The following SEMA3A variants were observed in gnomAD, a reference collection of about 807,000 sequenced individuals.
SEMA3A encodes semaphorin-3A.
SEMA3A carries 29 observed loss-of-function variants against 97.9 expected under a neutral mutation model. That is an observed-to-expected ratio of 0.30 (90% CI 0.22 to 0.40). The LOEUF (loss-of-function observed/expected upper bound fraction) is 0.40, where lower values mean the gene tolerates loss of function less well. Among genes scored for constraint, SEMA3A ranks in the 10% least tolerant of loss-of-function variants. The pLI, the probability that SEMA3A is intolerant of heterozygous loss-of-function variation, is 1.00. For missense variants in SEMA3A, 763 were observed against 951.3 expected, an observed-to-expected ratio of 0.80 and a Z score of 2.60; for synonymous variants, 321 against 323.7, an observed-to-expected ratio of 0.99 and a Z score of 0.09.
chr7:84,106,912 T>C (rs1303733429), intron 4 of SEMA3A, among the ~76,000 whole-genome samples: 2 of 152,190 alleles, frequency 1.3e-5, no homozygotes, highest in Non-Finnish European at 2.9e-5. Flanking sequence ...TTTTCTATGA[T>C]AAAATTATTT....
At chr7:84,168,652 C>A (rs942760556) in intron 1 of SEMA3A, among the ~76,000 whole-genome samples, 8 of 151,730 alleles carry the variant, frequency 5.3e-5, no homozygotes, top group African/African-American at 1.9e-4. Context: ...TGATGCCTAT[C>A]TAGTTATGAA....
intron 1 of SEMA3A, among the ~76,000 whole-genome samples, chr7:84,425,204 T>G (rs1328971707): frequency 8.6e-6 from 1 of 116,942 alleles, no homozygotes; most frequent in Non-Finnish European, 1.6e-5. Context: ...TAAATAAATT[T>G]ACGTATTTAT....
chr7:84,093,606 C>A (rs758197366), intron 4 of SEMA3A, among the ~76,000 whole-genome samples: 10 of 152,036 alleles, frequency 6.6e-5, no homozygotes, highest in Non-Finnish European at 1.5e-4. Context: ...TTATAAAATA[C>A]TATGCAGCCA....
intron 3 of SEMA3A, among the ~76,000 whole-genome samples, chr7:84,260,827 T>C (rs917448214): frequency 6.6e-6 from 1 of 152,132 alleles, no homozygotes; most frequent in Non-Finnish European, 1.5e-5. Flanking sequence ...AGAAGGCAGA[T>C]AGGCTTAGGG....
chr7:84,340,635 C>G (rs1418274880), intron 2 of SEMA3A, among the ~76,000 whole-genome samples: 4 of 151,688 alleles, frequency 2.6e-5, no homozygotes, highest in African/African-American at 9.7e-5. Context: ...AAAAAATTAG[C>G]TGGGGGTGGT....
upstream of SEMA3A, among the ~76,000 whole-genome samples, chr7:84,196,206 G>T (rs1256529624): frequency 6.6e-6 from 1 of 151,822 alleles, no homozygotes; most frequent in South Asian, 2.1e-4. Context: ...GCTGAAGGGA[G>T]AGAGTGAGTC....
chr7:84,233,729 T>G (rs117334444), intron 3 of SEMA3A, among the ~76,000 whole-genome samples: 2,496 of 152,136 alleles, frequency 0.016, 21 homozygotes, highest in Non-Finnish European at 0.026. Context: ...CCTACTGTTT[T>G]CAATTCAGTT....
At chr7:84,294,341 C>A (rs1199662972) in intron 3 of SEMA3A, among the ~76,000 whole-genome samples, 1 of 152,010 alleles carries the variant, frequency 6.6e-6, no homozygotes, top group Non-Finnish European at 1.5e-5. Context: ...TATCTCATTA[C>A]CGCTGTAGTT....
chr7:84,492,249 G>A (rs1338975157), intron 1 of SEMA3A, among the ~76,000 whole-genome samples: 1 of 152,060 alleles, frequency 6.6e-6, no homozygotes, highest in Non-Finnish European at 1.5e-5. Context: ...TCAGTTCCGA[G>A]ACCTTCTGAA....
intron 2 of SEMA3A, among the ~76,000 whole-genome samples, chr7:84,366,058 C>T (rs1481344899): frequency 6.6e-6 from 1 of 151,310 alleles, no homozygotes; most frequent in Non-Finnish European, 1.5e-5. Context: ...GGCATTTGTA[C>T]TACCTCTGAA....
intron 1 of SEMA3A, among the ~76,000 whole-genome samples, chr7:84,156,110 A>C (rs1056003500): frequency 6.6e-6 from 1 of 152,152 alleles, no homozygotes; most frequent in Non-Finnish European, 1.5e-5. Context: ...AAATTATAAC[A>C]AGTCATATTT....
chr7:84,001,837 G>T, intron 12 of SEMA3A, 118 bp downstream of exon 12: 1 of 488,308 alleles, frequency 2.0e-6, no homozygotes, highest in Non-Finnish European at 3.6e-6. Flanking sequence ...TAATTGACAA[G>T]CTAATTAGAA....
chr7:84,036,438 G>T (rs1791942506), intron 6 of SEMA3A, among the ~76,000 whole-genome samples: 1 of 152,116 alleles, frequency 6.6e-6, no homozygotes, highest in Non-Finnish European at 1.5e-5. Flanking sequence ...GCTACCAAAT[G>T]TAGTTCATAC....
chr7:84,354,220 GC>G (rs1194095853), intron 2 of SEMA3A, among the ~76,000 whole-genome samples: 1 of 131,354 alleles, frequency 7.6e-6, no homozygotes, highest in Non-Finnish European at 1.7e-5. Flanking sequence ...TGAAATCTCT[GC>G]TTATTATCTG....
chr7:84,384,489 T>C (rs886467850), intron 1 of SEMA3A, among the ~76,000 whole-genome samples: 2 of 152,094 alleles, frequency 1.3e-5, no homozygotes, highest in African/African-American at 4.8e-5. Context: ...TCAGGAAAGG[T>C]TTTTTTATAT....
chr7:84,485,893 A>C (rs1436915424), intron 1 of SEMA3A, among the ~76,000 whole-genome samples: 1 of 152,220 alleles, frequency 6.6e-6, no homozygotes, highest in Non-Finnish European at 1.5e-5. Flanking sequence ...AGGCTCATTT[A>C]GAAATAGTAT....
intron 2 of SEMA3A, among the ~76,000 whole-genome samples, chr7:84,307,576 T>C (rs1426451847): frequency 2.0e-5 from 3 of 152,188 alleles, no homozygotes; most frequent in Admixed American, 6.5e-5. Context: ...CTGGCTCTAC[T>C]AAAGAATAAC....
chr7:84,370,349 A>T (rs1802943824), intron 2 of SEMA3A, among the ~76,000 whole-genome samples: 2 of 151,732 alleles, frequency 1.3e-5, no homozygotes, highest in South Asian at 4.1e-4. Flanking sequence ...TCATTAGAGA[A>T]TGAGCAATGT....
In SEMA3A at chr7:84,129,257, T is replaced by A. The variant is rs1053092697; in HGVS notation, c.271-72A>T. The A allele has an allele frequency of 1.3e-5, 16 of 1,238,690 alleles. No individual in the cohort carries two copies. The Admixed American group carries it at 2.8e-4, about 21-fold the overall frequency. The allele number at this position is 1,238,690 out of a possible 1,614,324, so 76.7% of individuals were successfully genotyped here. On this transcript the variant is annotated intron_variant, in intron 2 of 16. Transcript: ENST00000265362. ...AGAGATCCAACACCATATAGTCTTT[T>A]AGATGACATTGGGGCAACTGAAGTA... is the stretch of plus-strand genomic sequence containing the variant.
Sources: allele counts gnomAD v4.1 joint callset (sites outside exome capture counted in the v4.1 genomes callset), GRCh38; gene constraint gnomAD v4.1.1; transcripts MANE v1.5; gene names NCBI Gene and HGNC (gene_info 2026-07-23, HGNC 2026-07-21).